The following IL1RAPL1 variants were observed in gnomAD, a reference collection of about 807,000 sequenced individuals.
The protein encoded by IL1RAPL1 is interleukin 1 receptor accessory protein like 1.
Under a neutral mutation model 48.4 loss-of-function variants are expected in IL1RAPL1, and 3 were observed. The observed-to-expected ratio is 0.06, with a 90% confidence interval of 0.03 to 0.16. The LOEUF (loss-of-function observed/expected upper bound fraction) is 0.16. Among genes scored for constraint, IL1RAPL1 ranks in the 10% least tolerant of loss-of-function variants. IL1RAPL1 has a pLI of 1.00. For missense variants in IL1RAPL1, 349 were observed against 530.6 expected, an observed-to-expected ratio of 0.66 and a Z score of 3.36; for synonymous variants, 185 against 187.7, an observed-to-expected ratio of 0.99 and a Z score of 0.12.
intron 1 of IL1RAPL1, among the ~76,000 whole-genome samples, chrX:28,717,883 T>A (rs977719574): frequency 1.8e-5 from 2 of 111,421 alleles, no homozygotes; most frequent in Non-Finnish European, 3.8e-5. Flanking sequence ...TGCATTTAGA[T>A]GCAAAATAAT....
intron 1 of IL1RAPL1, among the ~76,000 whole-genome samples, chrX:28,712,939 C>T (rs747170582): frequency 5.4e-5 from 6 of 111,602 alleles, no homozygotes; most frequent in Non-Finnish European, 1.1e-4. Flanking sequence ...ATTAAATGTC[C>T]ATCGCTAAAT....
chrX:28,604,631 G>A (rs1312649508), intron 1 of IL1RAPL1, among the ~76,000 whole-genome samples: 2 of 105,697 alleles, frequency 1.9e-5, no homozygotes, highest in Non-Finnish European at 3.9e-5. Context: ...GGAGGCTGAG[G>A]CAGGAGAATC....
chrX:29,489,099 G>C (rs1233964141), intron 5 of IL1RAPL1, among the ~76,000 whole-genome samples: 2 of 111,681 alleles, frequency 1.8e-5, no homozygotes, highest in Non-Finnish European at 3.8e-5. Flanking sequence ...GGTTTAGCTT[G>C]ATTGCAGAAA....
At chrX:29,889,961 T>G in intron 6 of IL1RAPL1, among the ~76,000 whole-genome samples, 1 of 110,997 alleles carries the variant, frequency 9.0e-6, no homozygotes, top group South Asian at 3.8e-4. Context: ...TTGTGTACAT[T>G]TATATCATAT....
At chrX:29,851,853 G>A (rs1252966680) in intron 6 of IL1RAPL1, among the ~76,000 whole-genome samples, 5 of 112,321 alleles carry the variant, frequency 4.5e-5, no homozygotes, top group Admixed American at 9.4e-5. Context: ...TCTTTGTTGT[G>A]GCTCATTGGT....
At chrX:29,085,443 A>G (rs760464508) in intron 2 of IL1RAPL1, among the ~76,000 whole-genome samples, 20 of 111,522 alleles carry the variant, frequency 1.8e-4, no homozygotes, top group Non-Finnish European at 3.8e-4. Context: ...GAGGGTTTTT[A>G]TATATGAACG....
intron 6 of IL1RAPL1, among the ~76,000 whole-genome samples, chrX:29,903,956 T>C (rs1932555131): frequency 8.9e-6 from 1 of 112,203 alleles, no homozygotes; most frequent in South Asian, 3.7e-4. Context: ...ATATATTTGA[T>C]GTGTGCAGAT....
intron 2 of IL1RAPL1, among the ~76,000 whole-genome samples, chrX:28,845,645 A>G (rs1264190319): frequency 9.0e-6 from 1 of 111,722 alleles, no homozygotes; most frequent in East Asian, 2.8e-4. Context: ...TGACTGTAGC[A>G]TTTCATCTGA....
intron 6 of IL1RAPL1, among the ~76,000 whole-genome samples, chrX:29,803,336 CATATGTAT>C (rs1221150414): frequency 8.5e-5 from 5 of 58,528 alleles, no homozygotes; most frequent in Admixed American, 1.8e-4. Flanking sequence ...CATGTATACA[CATATGTAT>C]ATATGTATAC....
intron 5 of IL1RAPL1, among the ~76,000 whole-genome samples, chrX:29,417,302 C>A (rs756995278): frequency 9.0e-6 from 1 of 111,111 alleles, no homozygotes; most frequent in Non-Finnish European, 1.9e-5. Context: ...TTTTTCATGT[C>A]AAAATATATA....
At chrX:29,079,773 C>T (rs1927759968) in intron 2 of IL1RAPL1, among the ~76,000 whole-genome samples, 1 of 110,599 alleles carries the variant, frequency 9.0e-6, no homozygotes, top group Admixed American at 9.7e-5. Flanking sequence ...AGAAGGCAGT[C>T]GGTAAAAGTT....
intron 2 of IL1RAPL1, among the ~76,000 whole-genome samples, chrX:29,135,590 A>G (rs931582048): frequency 8.9e-6 from 1 of 111,924 alleles, no homozygotes; most frequent in African/African-American, 3.2e-5. Flanking sequence ...TTTACATACA[A>G]TTTCCTTTCC....
chrX:29,608,718 C>T (rs977962817), intron 5 of IL1RAPL1, among the ~76,000 whole-genome samples: 4 of 99,352 alleles, frequency 4.0e-5, no homozygotes, highest in African/African-American at 7.7e-5. Context: ...CTCAGCTACT[C>T]GGGAGGCTGA....
intron 1 of IL1RAPL1, among the ~76,000 whole-genome samples, chrX:28,757,578 G>A (rs1936119016): frequency 8.9e-6 from 1 of 111,732 alleles, no homozygotes; most frequent in South Asian, 3.7e-4. Flanking sequence ...TGCTGTTCTA[G>A]GCTGTGAAGG....
At chrX:29,043,848 G>A (rs967791199) in intron 2 of IL1RAPL1, among the ~76,000 whole-genome samples, 4 of 111,748 alleles carry the variant, frequency 3.6e-5, no homozygotes, top group Non-Finnish European at 5.6e-5. Context: ...AGCTCCCCTT[G>A]GTTTCTGACA....
At chrX:29,529,631 GA>G (rs1180793883) in intron 5 of IL1RAPL1, among the ~76,000 whole-genome samples, 4 of 78,940 alleles carry the variant, frequency 5.1e-5, no homozygotes, top group African/African-American at 1.9e-4. Context: ...CAACAACAAA[GA>G]AAATATTCTA....
chrX:29,338,697 C>T (rs917471914), intron 3 of IL1RAPL1, among the ~76,000 whole-genome samples: 1 of 111,197 alleles, frequency 9.0e-6, no homozygotes, highest in Admixed American at 9.6e-5. Flanking sequence ...CACTCTCCCT[C>T]ATCCCCTTCT....
intron 5 of IL1RAPL1, among the ~76,000 whole-genome samples, chrX:29,609,622 T>G (rs1924028448): frequency 8.9e-6 from 1 of 112,493 alleles, no homozygotes; most frequent in Admixed American, 9.4e-5. Context: ...GTAAACCAGT[T>G]TACTGTTTCT....
intron 2 of IL1RAPL1, among the ~76,000 whole-genome samples, chrX:28,874,494 A>G (rs966112604): frequency 5.3e-5 from 6 of 112,300 alleles, no homozygotes; most frequent in African/African-American, 1.9e-4. Context: ...GAAACATTCA[A>G]TCATCAGTTA....
Sources: gnomAD v4.1 joint callset for allele counts (sites outside exome capture counted in the v4.1 genomes callset) on GRCh38, gnomAD v4.1.1 for gene constraint, MANE v1.5 for transcripts, NCBI Gene and HGNC (gene_info 2026-07-23, HGNC 2026-07-21) for gene names.